HPSE2: variants seen among roughly 807,000 people sequenced by gnomAD.
HPSE2 encodes heparanase 2 (inactive), also known as inactive heparanase-2.
Under a neutral mutation model 60.5 loss-of-function variants are expected in HPSE2, and 38 were observed. The ratio of observed to expected loss-of-function variants is 0.63; its 90% confidence interval spans 0.48 to 0.82. HPSE2 has a LOEUF of 0.82. Among genes scored for constraint, HPSE2 ranks in the 40% least tolerant of loss-of-function variants. The pLI is 0.00. For missense variants in HPSE2, 713 were observed against 740.4 expected (o/e 0.96, Z 0.43); for synonymous variants, 295 against 293.2 (o/e 1.01, Z -0.06).
rs1293937104 is a variant in HPSE2, at chr10:98,907,227, A to G, written c.611-163171T>C. ...GAGAGAAACTGACTAGTTGATATGGACAAATTATAGAGTCTTTTTGGGGCC... is the reference window on the plus strand; with the variant it reads ...GAGAGAAACTGACTAGTTGATATGGGCAAATTATAGAGTCTTTTTGGGGCC... On this transcript the variant is annotated intron_variant, in intron 3 of 11. Coordinates refer to ENST00000370552, the MANE Select transcript of HPSE2 (RefSeq NM_021828.5). Among the ~76,000 whole-genome samples, 3 of 152,200 alleles carry G rather than the reference A, an allele frequency of 2.0e-5. No homozygotes were observed. The East Asian group carries it at 5.8e-4, about 29-fold the overall frequency.
At chr10:98,820,501 A>C (rs1951399924) in intron 3 of HPSE2, among the ~76,000 whole-genome samples, 1 of 152,168 alleles carries the variant, frequency 6.6e-6, no homozygotes, top group African/African-American at 2.4e-5. Flanking sequence ...TTTTCCTTTG[A>C]TAGCATAACC....
At chr10:98,647,766 T>C (rs1234497828) in intron 6 of HPSE2, among the ~76,000 whole-genome samples, 1 of 152,222 alleles carries the variant, frequency 6.6e-6, no homozygotes, top group Non-Finnish European at 1.5e-5. Flanking sequence ...TTAGTTTTCA[T>C]CTTCTTTGCA....
chr10:98,869,405 C>T (rs34062108), intron 3 of HPSE2, among the ~76,000 whole-genome samples: 1 of 152,056 alleles, frequency 6.6e-6, no homozygotes, highest in African/African-American at 2.4e-5. Flanking sequence ...TAAAGTAGTT[C>T]TTATGAAGTC....
At chr10:99,228,341 T>A (rs377341762) in intron 2 of HPSE2, among the ~76,000 whole-genome samples, 12 of 152,298 alleles carry the variant, frequency 7.9e-5, no homozygotes, top group African/African-American at 2.9e-4. Context: ...CATAGTTTTT[T>A]AGCAAAAGAG....
At chr10:99,056,748 GAC>G (rs944391200) in intron 3 of HPSE2, among the ~76,000 whole-genome samples, 1 of 152,000 alleles carries the variant, frequency 6.6e-6, no homozygotes, top group African/African-American at 2.4e-5. Context: ...TCTTAAATGG[GAC>G]ACAGAGAGCA....
At chr10:99,049,732 A>C (rs1957946245) in intron 3 of HPSE2, among the ~76,000 whole-genome samples, 1 of 152,188 alleles carries the variant, frequency 6.6e-6, no homozygotes, top group South Asian at 2.1e-4. Flanking sequence ...TTAACAAATA[A>C]TAATTAAAAG....
intron 3 of HPSE2, among the ~76,000 whole-genome samples, chr10:98,968,206 A>G (rs1309729133): frequency 6.6e-6 from 1 of 152,158 alleles, no homozygotes; most frequent in East Asian, 1.9e-4. Flanking sequence ...ACGGTACTCT[A>G]TTTTTGCAAA....
At chr10:98,731,260 C>A (rs949656499) in intron 4 of HPSE2, among the ~76,000 whole-genome samples, 1 of 151,992 alleles carries the variant, frequency 6.6e-6, no homozygotes, top group African/African-American at 2.4e-5. Context: ...GTCTGGGCGA[C>A]AGAGTGAGAC....
At chr10:98,992,287 T>C (rs752066925) in intron 3 of HPSE2, among the ~76,000 whole-genome samples, 1 of 152,204 alleles carries the variant, frequency 6.6e-6, no homozygotes, top group Non-Finnish European at 1.5e-5. Flanking sequence ...GTCCTATAAT[T>C]TAAATAGTTG....
chr10:99,027,680 A>G (rs1337311816), intron 3 of HPSE2, among the ~76,000 whole-genome samples: 3 of 1,360 alleles, frequency 2.2e-3, no homozygotes, highest in Non-Finnish European at 8.5e-3. Flanking sequence ...CACCACTACC[A>G]CCACCACCAC....
rs569868825 is a variant in HPSE2, at chr10:98,703,871, C to T, written c.957-9924G>A. On this transcript the variant is annotated intron_variant, in intron 5 of 11. Transcript: ENST00000370552. ...TGAAAACTGGCCAAGACAAGGATGC[C>T]GTCTCTCACCACTCCTATTCAACAT... Among the ~76,000 whole-genome samples, 20 of 152,244 alleles carry T rather than the reference C, an allele frequency of 1.3e-4. No homozygotes were observed. In the East Asian group the frequency reaches 2.5e-3, roughly 19 times the overall value.
At chr10:98,731,202 C>T (rs1949218677) in intron 4 of HPSE2, among the ~76,000 whole-genome samples, 1 of 152,168 alleles carries the variant, frequency 6.6e-6, no homozygotes, top group African/African-American at 2.4e-5. Flanking sequence ...AGGAGAATCG[C>T]TTGAGTCTGG....
intron 2 of HPSE2, among the ~76,000 whole-genome samples, chr10:99,148,453 C>G (rs917500714): frequency 6.6e-6 from 1 of 152,002 alleles, no homozygotes; most frequent in Non-Finnish European, 1.5e-5. Context: ...TAGAGTAAGT[C>G]CAAAGAAAAG....
At chr10:98,493,256 T>C (rs943144705) in intron 9 of HPSE2, among the ~76,000 whole-genome samples, 5 of 152,204 alleles carry the variant, frequency 3.3e-5, no homozygotes, top group South Asian at 4.1e-4. Flanking sequence ...CCATATGCAA[T>C]GAGAAAAAAT....
chr10:99,053,607 G>A (rs879684779), intron 3 of HPSE2, among the ~76,000 whole-genome samples: 1 of 151,766 alleles, frequency 6.6e-6, no homozygotes, highest in African/African-American at 2.4e-5. Flanking sequence ...TTTTCAGGGA[G>A]TGGGCAATAG....
chr10:98,920,726 G>T (rs1590078907), intron 3 of HPSE2, among the ~76,000 whole-genome samples: 2 of 151,990 alleles, frequency 1.3e-5, no homozygotes. Context: ...ATAAAAACTG[G>T]ATTGAACTAA....
chr10:99,179,180 A>C (rs546818794), intron 2 of HPSE2, among the ~76,000 whole-genome samples: 186 of 152,262 alleles, frequency 1.2e-3, no homozygotes, highest in African/African-American at 4.2e-3. Flanking sequence ...ATGGGCAAAA[A>C]CTAGAAGTAT....
At chr10:99,060,196 T>C (rs1045141631) in intron 3 of HPSE2, among the ~76,000 whole-genome samples, 1 of 152,080 alleles carries the variant, frequency 6.6e-6, no homozygotes, top group African/African-American at 2.4e-5. Flanking sequence ...AGAATGTCCT[T>C]GAGGCATATA....
At chr10:99,014,954 T>C (rs888136921) in intron 3 of HPSE2, among the ~76,000 whole-genome samples, 57 of 151,996 alleles carry the variant, frequency 3.8e-4, no homozygotes, top group African/African-American at 1.4e-3. Flanking sequence ...GAATCTACAA[T>C]GAACTCAAAC....
Sources: allele counts gnomAD v4.1 joint callset (sites outside exome capture counted in the v4.1 genomes callset), GRCh38; gene constraint gnomAD v4.1.1; transcripts MANE v1.5; gene names NCBI Gene and HGNC (gene_info 2026-07-23, HGNC 2026-07-21).